The following RNF130 variants were observed in gnomAD, a reference collection of about 807,000 sequenced individuals.
RNF130 encodes E3 ubiquitin-protein ligase RNF130.
RNF130 carries 21 observed loss-of-function variants against 44.6 expected under a neutral mutation model. The ratio of observed to expected loss-of-function variants is 0.47; its 90% CI spans 0.33 to 0.68. RNF130 has a LOEUF of 0.68. Ranked by LOEUF, RNF130 falls within the 30% of genes least tolerant of loss-of-function variation. The pLI, the probability that RNF130 is intolerant of heterozygous loss-of-function variation, is 0.02. For synonymous variants in RNF130, 214 were observed against 210.4 expected, an observed-to-expected ratio of 1.02 and a Z score of -0.15; for missense variants, 479 against 560.6, an observed-to-expected ratio of 0.85 and a Z score of 1.47.
chr5:179,998,859 T>TTTTA (rs377231994), intron 3 of RNF130, among the ~76,000 whole-genome samples: 3 of 88,750 alleles, frequency 3.4e-5, no homozygotes, highest in African/African-American at 8.5e-5. Flanking sequence ...CTAGTATTTT[T>TTTTA]TATATATATA....
chr5:180,048,276 G>A (rs377113242), intron 1 of RNF130, among the ~76,000 whole-genome samples: 1 of 152,128 alleles, frequency 6.6e-6, no homozygotes. Flanking sequence ...AAGGGGCACG[G>A]AAGGGAGTCT....
chr5:179,933,793 T>C (rs1309160955), intron 7 of RNF130: 8 of 616,422 alleles, frequency 1.3e-5, no homozygotes, highest in East Asian at 7.1e-5. Flanking sequence ...ATTTTAAGTA[T>C]GTATTACATC....
chr5:180,036,748 A>G (rs551878349), intron 2 of RNF130, among the ~76,000 whole-genome samples: 5 of 148,906 alleles, frequency 3.4e-5, no homozygotes, highest in Non-Finnish European at 7.5e-5. Flanking sequence ...TACCTTATAA[A>G]TATTTCACAA....
intron 3 of RNF130, among the ~76,000 whole-genome samples, chr5:179,995,364 G>T (rs979584178): frequency 2.0e-5 from 3 of 152,144 alleles, no homozygotes; most frequent in African/African-American, 7.2e-5. Context: ...GGGTGCAGGG[G>T]TCCAATTCTA....
chr5:180,005,199 G>C (rs1035728756), intron 3 of RNF130, among the ~76,000 whole-genome samples: 1 of 152,144 alleles, frequency 6.6e-6, no homozygotes, highest in African/African-American at 2.4e-5. Context: ...AGGCCGAGGC[G>C]GGTGGATCAC....
At chr5:179,920,150 C>A (rs745691652) in exon 8 of RNF130, 3 of 558,014 alleles carry the variant, frequency 5.4e-6, no homozygotes, top group Non-Finnish European at 6.5e-6. Flanking sequence ...GTCCTCAAAG[C>A]CTCACCTTGG....
intron 1 of RNF130, among the ~76,000 whole-genome samples, chr5:180,054,220 A>G (rs1295354906): frequency 1.3e-5 from 2 of 151,976 alleles, no homozygotes; most frequent in Admixed American, 6.5e-5. Flanking sequence ...TCAATTAATC[A>G]CTCATATTGT....
chr5:179,939,656 C>T (rs541436891), intron 7 of RNF130: 2 of 465,808 alleles, frequency 4.3e-6, no homozygotes, highest in African/African-American at 2.1e-5. Flanking sequence ...TGAAGTGAGG[C>T]CCTGTGACCT....
chr5:180,017,456 A>C (rs1463703227), intron 2 of RNF130, among the ~76,000 whole-genome samples: 1 of 152,184 alleles, frequency 6.6e-6, no homozygotes, highest in Non-Finnish European at 1.5e-5. Context: ...CCAGTTCCCC[A>C]AAAACCTTTC....
At chr5:179,932,223 GT>G (rs1026341076) in intron 7 of RNF130, among the ~76,000 whole-genome samples, 21 of 152,056 alleles carry the variant, frequency 1.4e-4, no homozygotes, top group African/African-American at 5.1e-4. Context: ...AGTTCCATGT[GT>G]TTAATCATTG....
intron 2 of RNF130, among the ~76,000 whole-genome samples, chr5:180,037,665 C>A (rs1386418595): frequency 6.6e-6 from 1 of 152,136 alleles, no homozygotes; most frequent in African/African-American, 2.4e-5. Context: ...AGATTCTGAG[C>A]TACACATTCA....
intron 3 of RNF130, among the ~76,000 whole-genome samples, chr5:179,991,349 T>C (rs1763078385): frequency 6.6e-6 from 1 of 152,238 alleles, no homozygotes; most frequent in Admixed American, 6.5e-5. Flanking sequence ...TATTTGCCTG[T>C]TAATCTTTCT....
In RNF130 at chr5:179,928,411, T is replaced by G. The variant is rs993316115; in HGVS notation, c.1151-7985A>C. Among the ~76,000 whole-genome samples the G allele has an allele frequency of 1.3e-4, 20 of 152,260 alleles. 1 individual carries two copies. The highest frequency in any genetic ancestry group is 4.8e-4 in the African/African-American group (20 of 41,550). ...GGTGTATACACGGCATTTCACTATG[T>G]TTTAACGTCCATTCCCCAAATGACC... On this transcript the variant is annotated intron_variant, in intron 7 of 7. Coordinates refer to the RNF130 transcript ENST00000522208.
At position 179,978,370 on chromosome 5, in the gene RNF130, T is replaced by C. The variant is rs935796900; in HGVS notation, c.766-85A>G. On this transcript the variant is annotated intron_variant, in intron 4 of 8. Coordinates refer to ENST00000521389, the MANE Select transcript of RNF130 (RefSeq NM_018434.6). ...TGCAATTCAGCTCAGAATCTTTCTG[T>C]GGCTACTATGGTAAGCAAGTGTTAT... 1.2e-5 allele frequency: 10 copies of C among 862,740 alleles called. No individual in the cohort carries two copies. The East Asian group carries it at 1.5e-4, about 13-fold the overall frequency. 53.4% of individuals were successfully genotyped at this position (862,740 alleles called of 1,614,324 possible). A position where few individuals can be genotyped will look rare whatever the true frequency, so the allele number is the denominator to read the frequency against.
At chr5:179,926,164 C>T (rs1761705447) in intron 7 of RNF130, among the ~76,000 whole-genome samples, 2 of 152,166 alleles carry the variant, frequency 1.3e-5, no homozygotes, top group South Asian at 2.1e-4. Flanking sequence ...AATGGGTTTA[C>T]GACTAGTGCC....
chr5:179,935,705 T>C (rs1404770151), intron 7 of RNF130, among the ~76,000 whole-genome samples: 1 of 152,140 alleles, frequency 6.6e-6, no homozygotes, highest in African/African-American at 2.4e-5. Context: ...GTTATTACAG[T>C]TTTCTCTCTA....
At chr5:179,974,115 A>T (rs891185367) in intron 5 of RNF130, among the ~76,000 whole-genome samples, 4 of 152,086 alleles carry the variant, frequency 2.6e-5, no homozygotes, top group African/African-American at 9.7e-5. Flanking sequence ...GGCAAATATA[A>T]AAGGATGCAG....
chr5:179,961,333 C>T (rs1303970249), intron 8 of RNF130, among the ~76,000 whole-genome samples: 1 of 152,120 alleles, frequency 6.6e-6, no homozygotes, highest in Non-Finnish European at 1.5e-5. Context: ...AAATAATAAC[C>T]AAATGAGCAA....
exon 8 of RNF130, chr5:179,918,563 C>T (rs1304746918): frequency 6.6e-6 from 1 of 152,198 alleles, no homozygotes; most frequent in Non-Finnish European, 1.5e-5. Context: ...CAGCTTCCTG[C>T]AGACTCACCC....
Sources: gnomAD v4.1 joint callset for allele counts (sites outside exome capture counted in the v4.1 genomes callset) on GRCh38, gnomAD v4.1.1 for gene constraint, MANE v1.5 for transcripts, NCBI Gene and HGNC (gene_info 2026-07-23, HGNC 2026-07-21) for gene names.